Variants in RNGTT observed in about 807,000 individuals in gnomAD.
The protein encoded by RNGTT is RNA guanylyltransferase and 5'-phosphatase, also known as mRNA-capping enzyme.
Under a neutral mutation model 79.3 loss-of-function variants are expected in RNGTT, and 33 were observed. The ratio of observed to expected loss-of-function variants is 0.42; its 90% CI spans 0.32 to 0.56. RNGTT has a LOEUF of 0.56. Ranked by LOEUF, RNGTT falls within the 20% of genes least tolerant of loss-of-function variation. The pLI, the probability that RNGTT is intolerant of heterozygous loss-of-function variation, is 0.17. For synonymous variants in RNGTT, 222 were observed against 235.9 expected (o/e 0.94, Z 0.54); for missense variants, 497 against 739.1 (o/e 0.67, Z 3.80).
At chr6:88,854,109 T>TC (rs887295879) in intron 8 of RNGTT, among the ~76,000 whole-genome samples, 8 of 148,928 alleles carry the variant, frequency 5.4e-5, no homozygotes, top group African/African-American at 1.9e-4. Flanking sequence ...GTTTTTTCTT[T>TC]CTTTTTTTTA....
intron 13 of RNGTT, among the ~76,000 whole-genome samples, chr6:88,721,071 G>C (rs1776693270): frequency 6.6e-6 from 1 of 151,972 alleles, no homozygotes; most frequent in African/African-American, 2.4e-5. Flanking sequence ...TTTATTGGCT[G>C]TTCTTCTCCT....
At chr6:88,751,452 T>C (rs374127322) in intron 13 of RNGTT, among the ~76,000 whole-genome samples, 2 of 152,128 alleles carry the variant, frequency 1.3e-5, no homozygotes, top group African/African-American at 4.8e-5. Flanking sequence ...ACTAACATAT[T>C]AACTATAGTA....
chr6:88,892,259 G>A (rs1223768598), intron 6 of RNGTT, among the ~76,000 whole-genome samples: 1 of 151,954 alleles, frequency 6.6e-6, no homozygotes, highest in Non-Finnish European at 1.5e-5. Context: ...AAAATAGACT[G>A]TACTGTATTT....
At chr6:88,876,856 T>A (rs1042764356) in intron 8 of RNGTT, among the ~76,000 whole-genome samples, 1 of 152,230 alleles carries the variant, frequency 6.6e-6, no homozygotes, top group South Asian at 2.1e-4. Context: ...CAAAGTTTTA[T>A]CTGTATCTGC....
At chr6:88,813,205 C>A (rs960338706) in intron 11 of RNGTT, among the ~76,000 whole-genome samples, 2 of 152,154 alleles carry the variant, frequency 1.3e-5, no homozygotes, top group Admixed American at 6.5e-5. Flanking sequence ...GGCCTACTGG[C>A]GTTTGCACAG....
chr6:88,915,899 A>AT (rs904253796), intron 4 of RNGTT, among the ~76,000 whole-genome samples: 7 of 152,008 alleles, frequency 4.6e-5, no homozygotes, highest in Admixed American at 2.6e-4. Context: ...ACAAATAAAA[A>AT]TTTTTTTTTA....
At chr6:88,744,219 G>T (rs1015381321) in intron 13 of RNGTT, among the ~76,000 whole-genome samples, 2 of 151,930 alleles carry the variant, frequency 1.3e-5, no homozygotes, top group Non-Finnish European at 2.9e-5. Flanking sequence ...TAGTTGGTAA[G>T]AATAGGATTG....
intron 14 of RNGTT, among the ~76,000 whole-genome samples, chr6:88,656,779 T>TA (rs202061261): frequency 1.0e-3 from 141 of 135,802 alleles, no homozygotes; most frequent in Middle Eastern, 3.8e-3. Flanking sequence ...GTTAAGAGAT[T>TA]AAAAAAAAAA....
intron 14 of RNGTT, among the ~76,000 whole-genome samples, chr6:88,665,877 G>A (rs1481545993): frequency 6.6e-6 from 1 of 152,226 alleles, no homozygotes; most frequent in Non-Finnish European, 1.5e-5. Context: ...TTCAGCACCT[G>A]GAGGACTATG....
Position 88,611,776 on chromosome 6 carries a change from A to C in RNGTT, c.*943T>G, listed in dbSNP as rs2127844026. On this transcript the variant is annotated 3_prime_UTR_variant, in exon 16 of 16. Coordinates refer to ENST00000369485, the MANE Select transcript of RNGTT (RefSeq NM_003800.5). ...CTTCTAATCAAAGAAGTTAGCTGGC[A>C]TTCCCTTTGCTGTTTTGTTCGAGAG... is the stretch of plus-strand genomic sequence containing the variant. 6.5e-6 allele frequency: 1 copy of C among 152,780 alleles called. No homozygotes were observed. Among genetic ancestry groups the C allele is most frequent in the Admixed American group, 6.5e-5 (1 of 15,304 alleles). The allele number at this position is 152,780 out of a possible 1,614,324, so 9.5% of individuals were successfully genotyped here.
At chr6:88,780,349 A>G (rs1046707414) in intron 12 of RNGTT, among the ~76,000 whole-genome samples, 4 of 152,168 alleles carry the variant, frequency 2.6e-5, no homozygotes, top group African/African-American at 9.6e-5. Flanking sequence ...TCCCTTTTTC[A>G]TGATCCCCAA....
At chr6:88,652,272 A>C (rs1773825347) in intron 14 of RNGTT, among the ~76,000 whole-genome samples, 1 of 152,198 alleles carries the variant, frequency 6.6e-6, no homozygotes. Context: ...ACAAATTTAC[A>C]AGTTTCTCCA....
chr6:88,830,976 C>T (rs1026154927), intron 11 of RNGTT, among the ~76,000 whole-genome samples: 7 of 152,232 alleles, frequency 4.6e-5, no homozygotes, highest in South Asian at 2.1e-4. Flanking sequence ...AGCCCAGGAC[C>T]GGACAGATTC....
At chr6:88,831,796 C>G (rs1292994466) in intron 11 of RNGTT, among the ~76,000 whole-genome samples, 1 of 152,120 alleles carries the variant, frequency 6.6e-6, no homozygotes, top group Non-Finnish European at 1.5e-5. Flanking sequence ...ACACCAGTAA[C>G]AGACAAACAG....
chr6:88,867,902 G>A (rs191413524), intron 8 of RNGTT, among the ~76,000 whole-genome samples: 2 of 152,294 alleles, frequency 1.3e-5, no homozygotes, highest in East Asian at 3.9e-4. Flanking sequence ...ACTGAAAATG[G>A]GAAATAAAGT....
intron 14 of RNGTT, among the ~76,000 whole-genome samples, chr6:88,677,315 G>A (rs1337559538): frequency 6.6e-6 from 1 of 150,948 alleles, no homozygotes; most frequent in African/African-American, 2.5e-5. Flanking sequence ...AAGGGCAGGA[G>A]GGGGAAATTT....
At chr6:88,860,055 T>C (rs766691960) in intron 8 of RNGTT, among the ~76,000 whole-genome samples, 4 of 152,122 alleles carry the variant, frequency 2.6e-5, no homozygotes, top group Admixed American at 6.5e-5. Flanking sequence ...CCCAACAGAA[T>C]AGGGGTCAAT....
Position 88,648,557 on chromosome 6 carries a change from C to T in RNGTT, c.1506+29796G>A, listed in dbSNP as rs559667223. On this transcript the variant is annotated intron_variant, in intron 14 of 15. Coordinates refer to ENST00000369485, the MANE Select transcript of RNGTT (RefSeq NM_003800.5). The stretch of plus-strand genomic sequence containing the variant: ...TTATCTCCCTATACAAACCTCTGCA[C>T]CTACCCAACTATGCCTCTTGTACCC... Among the ~76,000 whole-genome samples the T allele has an allele frequency of 7.2e-5, 11 of 152,244 alleles. No homozygotes were observed. The South Asian group carries it at 2.1e-3, about 29-fold the overall frequency.
chr6:88,801,170 G>A (rs1411076574), intron 12 of RNGTT, among the ~76,000 whole-genome samples: 1 of 152,102 alleles, frequency 6.6e-6, no homozygotes, highest in Non-Finnish European at 1.5e-5. Context: ...GTAAACTACA[G>A]CAAAATGAAG....
Sources: allele counts gnomAD v4.1 joint callset (sites outside exome capture counted in the v4.1 genomes callset), GRCh38; gene constraint gnomAD v4.1.1; transcripts MANE v1.5; gene names NCBI Gene and HGNC (gene_info 2026-07-23, HGNC 2026-07-21).